The following RSRC1 variants were observed in gnomAD, a reference collection of about 807,000 sequenced individuals.
RSRC1 encodes arginine and serine rich coiled-coil 1, also known as serine/Arginine-related protein 53.
In RSRC1, 39 loss-of-function variants were observed where a neutral mutation model predicts 49.1. The observed-to-expected ratio is 0.79, with a 90% CI of 0.61 to 1.04. The LOEUF is 1.04. Among genes scored for constraint, RSRC1 ranks in the 50% least tolerant of loss-of-function variants. RSRC1 has a pLI of 0.00. For missense variants in RSRC1, 388 were observed against 402.4 expected, an observed-to-expected ratio of 0.96 and a Z score of 0.31; for synonymous variants, 143 against 130.8, an observed-to-expected ratio of 1.09 and a Z score of -0.63.
chr3:158,357,238 A>G (rs577050605), intron 6 of RSRC1, among the ~76,000 whole-genome samples: 1 of 152,168 alleles, frequency 6.6e-6, no homozygotes, highest in Non-Finnish European at 1.5e-5. Flanking sequence ...TTGTTACTAT[A>G]GAAATGAGTT....
intron 6 of RSRC1, among the ~76,000 whole-genome samples, chr3:158,451,864 G>A (rs1254425301): frequency 5.3e-5 from 8 of 152,006 alleles, no homozygotes; most frequent in Admixed American, 5.2e-4. Context: ...AGAAAATGAG[G>A]AAGAAACATT....
At chr3:158,187,613 C>T (rs1456695210) in intron 3 of RSRC1, among the ~76,000 whole-genome samples, 6 of 152,024 alleles carry the variant, frequency 3.9e-5, no homozygotes, top group Non-Finnish European at 5.9e-5. Flanking sequence ...GAGGCTTGAG[C>T]CTCTGCCTCT....
chr3:158,429,998 G>A (rs974498865), intron 6 of RSRC1, among the ~76,000 whole-genome samples: 10 of 151,386 alleles, frequency 6.6e-5, no homozygotes, highest in African/African-American at 1.7e-4. Flanking sequence ...ATAATGACTT[G>A]TAGCTTTAAA....
chr3:158,471,166 T>A (rs1272742869), intron 7 of RSRC1, among the ~76,000 whole-genome samples: 1 of 152,240 alleles, frequency 6.6e-6, no homozygotes, highest in African/African-American at 2.4e-5. Context: ...CTTTTTGTAC[T>A]TTCTCCTTAA....
At chr3:158,224,374 C>G (rs1722400342) in intron 4 of RSRC1, among the ~76,000 whole-genome samples, 1 of 151,776 alleles carries the variant, frequency 6.6e-6, no homozygotes, top group Non-Finnish European at 1.5e-5. Flanking sequence ...AATTTACATG[C>G]ATGATTTTGT....
intron 3 of RSRC1, among the ~76,000 whole-genome samples, chr3:158,189,675 G>C (rs1359343505): frequency 3.3e-5 from 5 of 151,844 alleles, no homozygotes; most frequent in African/African-American, 7.2e-5. Context: ...GCTGCTTGTA[G>C]ATTGTTGCCT....
chr3:158,517,823 T>A (rs1324049423), intron 7 of RSRC1, among the ~76,000 whole-genome samples: 1 of 142,110 alleles, frequency 7.0e-6, no homozygotes, highest in Non-Finnish European at 1.5e-5. Flanking sequence ...AGGTTGGTCT[T>A]GAAATCGTGG....
At chr3:158,166,614 G>C (rs1718555551) in intron 3 of RSRC1, among the ~76,000 whole-genome samples, 1 of 152,096 alleles carries the variant, frequency 6.6e-6, no homozygotes, top group Non-Finnish European at 1.5e-5. Context: ...TGTGTATTTA[G>C]TTCCCTTAAC....
intron 4 of RSRC1, among the ~76,000 whole-genome samples, chr3:158,246,443 A>T (rs1296008154): frequency 6.6e-6 from 1 of 151,218 alleles, no homozygotes; most frequent in Non-Finnish European, 1.5e-5. Context: ...TAATCCTGTC[A>T]TCATGATGCT....
intron 6 of RSRC1, among the ~76,000 whole-genome samples, chr3:158,453,382 CT>C (rs11288276): frequency 0.45 from 62,122 of 137,954 alleles, 13,836 homozygotes; most frequent in African/African-American, 0.54. Flanking sequence ...AGCCCGGAAC[CT>C]TTTTTTTTTT....
At chr3:158,517,633 C>T in intron 7 of RSRC1, among the ~76,000 whole-genome samples, 1 of 150,884 alleles carries the variant, frequency 6.6e-6, no homozygotes. Flanking sequence ...TGCTGTGTTG[C>T]CCCAGGTAGA....
At chr3:158,521,627 C>T (rs1192335595) in intron 7 of RSRC1, among the ~76,000 whole-genome samples, 1 of 152,086 alleles carries the variant, frequency 6.6e-6, no homozygotes, top group Non-Finnish European at 1.5e-5. Flanking sequence ...AGTTGTGAAG[C>T]TAGAACTTAG....
At chr3:158,127,468 T>C (rs993502431) in intron 3 of RSRC1, among the ~76,000 whole-genome samples, 1 of 152,062 alleles carries the variant, frequency 6.6e-6, no homozygotes, top group Non-Finnish European at 1.5e-5. Flanking sequence ...ACTGAACCTC[T>C]CTAGTGAATT....
intron 6 of RSRC1, among the ~76,000 whole-genome samples, chr3:158,388,772 G>C (rs532456903): frequency 6.6e-6 from 1 of 152,158 alleles, no homozygotes; most frequent in South Asian, 2.1e-4. Context: ...ACCATGCCCA[G>C]CTAATTTTTT....
In RSRC1 at chr3:158,410,517, C is replaced by T. The variant is rs1012619381; in HGVS notation, c.584-50418C>T. ...ATGATTGTCTGATGTTTCTCTCTCA[C>T]GACTTTTATGGTAAAAAAATAAATA... is the stretch of plus-strand genomic sequence containing the variant. On this transcript the variant is annotated intron_variant, in intron 6 of 9. Coordinates refer to ENST00000611884, the MANE Select transcript of RSRC1 (RefSeq NM_001271838.2). 3.3e-5 allele frequency among the ~76,000 whole-genome samples: 5 copies of T among 152,120 alleles called. No individual in the cohort carries two copies. The East Asian group carries it at 7.7e-4, about 23-fold the overall frequency.
intron 4 of RSRC1, among the ~76,000 whole-genome samples, chr3:158,269,063 T>C (rs1725359784): frequency 6.6e-6 from 1 of 152,226 alleles, no homozygotes; most frequent in South Asian, 2.1e-4. Context: ...GGATATTGTT[T>C]TGATTTTTAT....
At chr3:158,333,070 G>A (rs112747201) in intron 5 of RSRC1, among the ~76,000 whole-genome samples, 1,759 of 151,264 alleles carry the variant, frequency 0.012, 29 homozygotes, top group African/African-American at 0.041. Flanking sequence ...CCGGGTTCAC[G>A]CCATTCGCCT....
intron 3 of RSRC1, among the ~76,000 whole-genome samples, chr3:158,130,509 A>G (rs554733582): frequency 6.6e-6 from 1 of 152,298 alleles, no homozygotes; most frequent in African/African-American, 2.4e-5. Flanking sequence ...AGATTTTGTA[A>G]TATTTACATA....
At chr3:158,319,654 T>C (rs557334969) in intron 5 of RSRC1, among the ~76,000 whole-genome samples, 2 of 152,358 alleles carry the variant, frequency 1.3e-5, no homozygotes, top group South Asian at 2.1e-4. Context: ...CTCAGGATTT[T>C]TTCCCTCTAC....
Sources: gnomAD v4.1 joint callset for allele counts (sites outside exome capture counted in the v4.1 genomes callset) on GRCh38, gnomAD v4.1.1 for gene constraint, MANE v1.5 for transcripts, NCBI Gene and HGNC (gene_info 2026-07-23, HGNC 2026-07-21) for gene names.